SBNO1: variants seen among roughly 807,000 people sequenced by gnomAD.
SBNO1 encodes the protein strawberry notch homolog 1.
A neutral mutation model predicts 173.6 loss-of-function variants in SBNO1; 23 were observed. The ratio of observed to expected loss-of-function variants is 0.13; its 90% CI spans 0.10 to 0.19. The LOEUF (loss-of-function observed/expected upper bound fraction) is 0.19, where lower values mean the gene tolerates loss of function less well. Among genes scored for constraint, SBNO1 ranks in the 10% least tolerant of loss-of-function variants. SBNO1 has a pLI of 1.00. For synonymous variants in SBNO1, 632 were observed against 571.5 expected, an observed-to-expected ratio of 1.11 and a Z score of -1.51; for missense variants, 1,238 against 1,671.2, an observed-to-expected ratio of 0.74 and a Z score of 4.52.
At chr12:123,314,035 G>A (rs1365731871) in intron 23 of SBNO1, among the ~76,000 whole-genome samples, 2 of 151,938 alleles carry the variant, frequency 1.3e-5, no homozygotes, top group African/African-American at 2.4e-5. Flanking sequence ...AGTGAGCCGA[G>A]ATGGCGTCAT....
Position 123,331,316 on chromosome 12 carries a change from G to C in SBNO1, c.969C>G (p.Ala323=), listed in dbSNP as rs148977688. Reference sequence around the variant, plus strand: ...CTATCGTCCTTCCTTTTCCTACACCGGCACCATCACCTATTAAGAAGCCAG... The same window carrying C: ...CTATCGTCCTTCCTTTTCCTACACCCGCACCATCACCTATTAAGAAGCCAG... ...DRAGFLIGDG[A]GVGKGRTIAG... is the part of the protein sequence containing the mutation. Residue 323 remains alanine, a synonymous_variant, in exon 8 of 32, where the codon GCC becomes GCG. Transcript: ENST00000602398. 6.5e-5 allele frequency: 105 copies of C among 1,613,502 alleles called. No individual in the cohort carries two copies. Among genetic ancestry groups the C allele is most frequent in the Non-Finnish European group, 8.7e-5 (103 of 1,179,684 alleles).
At chr12:123,364,530 G>A (rs1875882984) in intron 1 of SBNO1, 171 bp downstream of exon 1, 1 of 983,804 alleles carries the variant, frequency 1.0e-6, no homozygotes, top group Non-Finnish European at 1.2e-6. Context: ...ATGCCCCCGA[G>A]GGCCCCGGAG....
Position 123,315,357 on chromosome 12 carries a change from G to A in SBNO1, c.3120+16C>T, listed in dbSNP as rs1441572727. 6.3e-7 allele frequency: 1 copy of A among 1,591,450 alleles called. No homozygotes were observed. ...ACTATCACAAGTTTTCAGAGATACT[G>A]AAAATTGAAATGTACCTTATTATCA... On this transcript the variant is annotated intron_variant, in intron 23 of 31. Transcript: ENST00000602398.
Position 123,309,772 on chromosome 12 carries a change from T to C in SBNO1, c.3380A>G (p.Asp1127Gly). The C allele has an allele frequency of 6.2e-7, 1 of 1,613,282 alleles. No individual in the cohort carries two copies. Among genetic ancestry groups the C allele is most frequent in the Non-Finnish European group, 8.5e-7 (1 of 1,179,720 alleles). The change falls in exon 26 of 32, where the codon GAC becomes GGC. Residue 1127 changes from aspartate to glycine, a missense_variant. This residue lies in a region of SBNO1 where 351 missense variants were observed against 420.3 expected (regional missense o/e 0.84). Transcript: ENST00000602398. ...QQNALFQYFADTLTAVVQNAK... is the reference protein window; with the variant it reads ...QQNALFQYFAGTLTAVVQNAK... ...ATTTTGAACAACTGCAGTAAGTGTGTCCGCAAAATACTGAAATAACGCATT... is the reference window on the plus strand; with the variant it reads ...ATTTTGAACAACTGCAGTAAGTGTGCCCGCAAAATACTGAAATAACGCATT...
chr12:123,300,792 T>G (rs1479139778), intron 30 of SBNO1, among the ~76,000 whole-genome samples: 2 of 151,308 alleles, frequency 1.3e-5, no homozygotes, highest in African/African-American at 4.9e-5. Flanking sequence ...AAACCCTGTC[T>G]CTACTAAAAA....
rs777212654 is a variant in SBNO1, at chr12:123,327,906, T to C, written c.1418A>G (p.Tyr473Cys). The C allele has an allele frequency of 6.2e-7, 1 of 1,611,732 alleles. No individual in the cohort carries two copies. The highest frequency in any genetic ancestry group is 8.5e-7 in the Non-Finnish European group (1 of 1,178,494). Residue 473 changes from tyrosine (Y) to cysteine (C), a missense_variant, in exon 11 of 32, where the codon TAT becomes TGT. Tyr to Cys is a radical substitution (Grantham distance 194). Around this residue, in one of 14 missense-constraint regions of SBNO1, gnomAD observed 182 missense variants for 339.9 expected, o/e 0.54. Transcript: ENST00000602398. ...QNKLPKARVV[Y>C]ASATGASEPR... ...TAAATACTCACCAGTTGCACTAGCA[T>C]AAACAACTCTGGCTTTTGGCAATTT...
chr12:123,333,582 G>A (rs991784536), intron 7 of SBNO1, among the ~76,000 whole-genome samples: 22 of 151,298 alleles, frequency 1.5e-4, no homozygotes, highest in Non-Finnish European at 2.4e-4. Context: ...TTGCAGCCTC[G>A]ACTTCCTGGG....
In SBNO1 at chr12:123,295,735, G is replaced by A. The variant is rs1270519710; in HGVS notation, c.*173C>T. On this transcript the variant is annotated 3_prime_UTR_variant, in exon 32 of 32. Coordinates refer to ENST00000602398, the MANE Select transcript of SBNO1 (RefSeq NM_001167856.3). ...AGACATATGTACCACCATCAGCACTGCTGATTTTCAGTTTTGCTATCTATT... is the reference window on the plus strand; with the variant it reads ...AGACATATGTACCACCATCAGCACTACTGATTTTCAGTTTTGCTATCTATT... 2 of 736,916 alleles carry A rather than the reference G, an allele frequency of 2.7e-6. No homozygotes were observed. The highest frequency in any genetic ancestry group is 1.8e-5 in the African/African-American group (1 of 57,132). The allele number at this position is 736,916 out of a possible 1,614,324, so 45.6% of individuals were successfully genotyped here.
At chr12:123,315,025 G>A (rs1869112956) in intron 23 of SBNO1, among the ~76,000 whole-genome samples, 1 of 151,926 alleles carries the variant, frequency 6.6e-6, no homozygotes, top group South Asian at 2.1e-4. Context: ...TTACAGACAT[G>A]AGCCACAGCG....
intron 4 of SBNO1, among the ~76,000 whole-genome samples, chr12:123,341,789 A>G (rs999228775): frequency 3.9e-5 from 6 of 152,090 alleles, no homozygotes; most frequent in African/African-American, 1.4e-4. Flanking sequence ...TGGCATCCCA[A>G]AGTGCTGGGA....
At chr12:123,359,425 G>A (rs1874859290) in intron 1 of SBNO1, among the ~76,000 whole-genome samples, 1 of 151,722 alleles carries the variant, frequency 6.6e-6, no homozygotes, top group African/African-American at 2.4e-5. Context: ...AGCTGGGCGT[G>A]GTGGCACACA....
chr12:123,352,596 G>A (rs1874008000), intron 1 of SBNO1, among the ~76,000 whole-genome samples: 1 of 152,152 alleles, frequency 6.6e-6, no homozygotes, highest in Non-Finnish European at 1.5e-5. Context: ...CCCGGCCTGA[G>A]CATGACTTCT....
At chr12:123,330,584 C>G (rs1342979319) in intron 8 of SBNO1, 75 bp from the exon 9 acceptor site, 2 of 824,474 alleles carry the variant, frequency 2.4e-6, no homozygotes, top group Non-Finnish European at 3.7e-6. Context: ...ATTAATAAAG[C>G]CAGGTCTTGA....
intron 29 of SBNO1, among the ~76,000 whole-genome samples, 199 bp from the exon 30 acceptor site, chr12:123,303,099 TAAC>T (rs1284271443): frequency 6.6e-6 from 1 of 152,222 alleles, no homozygotes; most frequent in Non-Finnish European, 1.5e-5. Context: ...ATTTTTCAAA[TAAC>T]TACTTAACTA....
At chr12:123,316,271 G>T (rs1420857042) in intron 21 of SBNO1, among the ~76,000 whole-genome samples, 3 of 152,068 alleles carry the variant, frequency 2.0e-5, no homozygotes, top group African/African-American at 4.8e-5. Context: ...GTTGCCAAAG[G>T]TAGAGTGCAA....
chr12:123,325,801 G>A (rs1291038049), intron 14 of SBNO1, among the ~76,000 whole-genome samples: 1 of 152,184 alleles, frequency 6.6e-6, no homozygotes, highest in Non-Finnish European at 1.5e-5. Context: ...TAGGATTACA[G>A]ACAGTAGTAA....
chr12:123,289,520 A>G lies in SBNO1; in HGVS notation c.*6388T>C, dbSNP rs1404658820. 1.3e-5 allele frequency: 2 copies of G among 152,222 alleles called. No individual in the cohort carries two copies. Among genetic ancestry groups the G allele is most frequent in the Admixed American group, 1.3e-4 (2 of 15,278 alleles). The allele number at this position is 152,222 out of a possible 1,614,324, so 9.4% of individuals were successfully genotyped here. A position where few individuals can be genotyped will look rare whatever the true frequency, so the allele number is the denominator to read the frequency against. On this transcript the variant is annotated 3_prime_UTR_variant, in exon 32 of 32. Transcript: ENST00000602398. Reference sequence around the variant, plus strand: ...CACCTTTGTTTCAAGTTGTCTTTGGATCCCATCAGATGTTGTCTCCAGATG... The same window carrying G: ...CACCTTTGTTTCAAGTTGTCTTTGGGTCCCATCAGATGTTGTCTCCAGATG...
chr12:123,327,931 T>C lies in SBNO1; in HGVS notation c.1393A>G (p.Lys465Glu). The C allele has an allele frequency of 6.2e-7, 1 of 1,612,998 alleles. No homozygotes were observed. The highest frequency in any genetic ancestry group is 2.2e-5 in the East Asian group (1 of 44,858). Reference sequence around the variant, plus strand: ...TAAACAACTCTGGCTTTTGGCAATTTGTTCTGAAGCTCTAAAACTGCTAAG... The same window carrying C: ...TAAACAACTCTGGCTTTTGGCAATTCGTTCTGAAGCTCTAAAACTGCTAAG... ...TGLAVLELQN[K>E]LPKARVVYAS... is the part of the protein sequence containing the mutation. Residue 465 changes from lysine (K) to glutamate (E), a missense_variant, in exon 11 of 32, where the codon AAA becomes GAA. By Grantham distance (56) the Lys-to-Glu change is moderately conservative. This residue lies in a region of SBNO1 where 182 missense variants were observed against 339.9 expected (regional missense o/e 0.54). Coordinates refer to ENST00000602398, the MANE Select transcript of SBNO1 (RefSeq NM_001167856.3).
At chr12:123,299,235 G>C (rs1041074166) in intron 30 of SBNO1, among the ~76,000 whole-genome samples, 50 of 152,048 alleles carry the variant, frequency 3.3e-4, no homozygotes, top group Admixed American at 2.0e-3. Context: ...AGGAGTGGTG[G>C]CAGGCACCTG....
Sources: gnomAD v4.1 joint callset for allele counts (sites outside exome capture counted in the v4.1 genomes callset) on GRCh38, gnomAD v4.1.1 for gene constraint, gnomAD v4.1.1 regional missense constraint, MANE v1.5 for transcripts, NCBI Gene and HGNC (gene_info 2026-07-23, HGNC 2026-07-21) for gene names.